Variants in BLTP1 observed in about 807,000 individuals in gnomAD.
BLTP1 encodes the protein fragile site-associated protein.
chr4:122,215,337 A>G, the BLTP1 span: 1 of 958,972 alleles, frequency 1.0e-6, no homozygotes, highest in Non-Finnish European at 1.2e-6. Flanking sequence ...ATTTACAATG[A>G]TAACAGACTA....
chr4:122,359,442 A>G, the BLTP1 span: 1 of 1,432,294 alleles, frequency 7.0e-7, no homozygotes, highest in Non-Finnish European at 9.3e-7. Context: ...AAGAAATGCA[A>G]TTAAATGAGG....
At chr4:122,167,696 C>T in the BLTP1 span, 1 of 985,312 alleles carries the variant, frequency 1.0e-6, no homozygotes, top group Non-Finnish European at 1.2e-6. Context: ...CACTACTCCA[C>T]AAGCTTGTCC....
chr4:122,334,609 C>T, the BLTP1 span: 1 of 1,496,808 alleles, frequency 6.7e-7, no homozygotes, highest in Non-Finnish European at 9.2e-7. Flanking sequence ...TACCTACTTG[C>T]TCTTTTGAGA....
At chr4:122,259,511 G>T in the BLTP1 span, among the ~76,000 whole-genome samples, 1 of 152,114 alleles carries the variant, frequency 6.6e-6, no homozygotes, top group Non-Finnish European at 1.5e-5. Flanking sequence ...AGTTATTGTT[G>T]TTGGTGGTTC....
chr4:122,205,946 G>A, the BLTP1 span: 1 of 984,848 alleles, frequency 1.0e-6, no homozygotes, highest in East Asian at 1.1e-4. Context: ...AAAACATTGT[G>A]GAGGCCAGAA....
At chr4:122,224,182 G>T in the BLTP1 span, 311 of 710,130 alleles carry the variant, frequency 4.4e-4, 5 homozygotes, top group South Asian at 0.017. Context: ...CTGGTCTCTT[G>T]TATTCCCTGT....
the BLTP1 span, chr4:122,196,468 A>G: frequency 5.9e-6 from 1 of 169,056 alleles, no homozygotes; most frequent in Non-Finnish European, 1.2e-5. Flanking sequence ...TCTATTGAGT[A>G]ATCAAGGCTC....
chr4:122,280,790 A>G, the BLTP1 span, among the ~76,000 whole-genome samples: 2 of 152,056 alleles, frequency 1.3e-5, no homozygotes, highest in South Asian at 2.1e-4. Flanking sequence ...GATTTTTCCA[A>G]TTGTTTTATC....
At chr4:122,243,746 C>T in the BLTP1 span, 24 of 1,299,844 alleles carry the variant, frequency 1.8e-5, no homozygotes, top group Non-Finnish European at 2.4e-5. Flanking sequence ...AGTCCAATTC[C>T]ATAAAATTTT....
At chr4:122,243,279 C>T in the BLTP1 span, 5 of 541,228 alleles carry the variant, frequency 9.2e-6, no homozygotes, top group African/African-American at 2.1e-5. Flanking sequence ...CTTGGCATAT[C>T]AAAATTGCTG....
the BLTP1 span, among the ~76,000 whole-genome samples, chr4:122,326,155 T>C: frequency 9.9e-5 from 15 of 151,730 alleles, no homozygotes; most frequent in East Asian, 5.8e-4. Flanking sequence ...TTCAACCAAA[T>C]CATAAAAAAA....
the BLTP1 span, chr4:122,183,645 C>A: frequency 2.7e-6 from 1 of 374,830 alleles, no homozygotes; most frequent in Non-Finnish European, 3.7e-6. Context: ...AAGTTACAAT[C>A]ACAGGAATTT....
the BLTP1 span, chr4:122,276,877 T>C: frequency 1.0e-6 from 1 of 984,282 alleles, no homozygotes; most frequent in Non-Finnish European, 1.2e-6. Context: ...AGAGCTACTG[T>C]TGGGCTTTGC....
At chr4:122,288,669 A>G in the BLTP1 span, 1 of 231,766 alleles carries the variant, frequency 4.3e-6, no homozygotes, top group Non-Finnish European at 7.0e-6. Context: ...ATAAATAAAT[A>G]AATAAATAAA....
chr4:122,254,103 T>G, the BLTP1 span: 1 of 1,185,816 alleles, frequency 8.4e-7, no homozygotes, highest in African/African-American at 1.5e-5. Context: ...CTTGATTTGA[T>G]GAAAAGGTTT....
the BLTP1 span, among the ~76,000 whole-genome samples, chr4:122,220,105 G>A: frequency 6.6e-6 from 1 of 152,300 alleles, no homozygotes; most frequent in Admixed American, 6.5e-5. Flanking sequence ...GCCAGATGAG[G>A]TGTGTGTCCG....
chr4:122,262,952 T>C, the BLTP1 span: 2 of 1,613,914 alleles, frequency 1.2e-6, no homozygotes, highest in South Asian at 2.2e-5. Context: ...GAAGCAGTGC[T>C]GCTGTGAAAA....
chr4:122,246,186 CTG>C, the BLTP1 span: 8 of 1,596,502 alleles, frequency 5.0e-6, no homozygotes, highest in Non-Finnish European at 6.8e-6. Context: ...GGAACAAAAA[CTG>C]AGCAGTCTAC....
At chr4:122,269,051 C>G in the BLTP1 span, 2 of 915,436 alleles carry the variant, frequency 2.2e-6, no homozygotes, top group East Asian at 2.4e-4. Flanking sequence ...TTGGAACCAT[C>G]AAATCCAGAC....
Sources: gnomAD v4.1 joint callset for allele counts (sites outside exome capture counted in the v4.1 genomes callset) on GRCh38, gnomAD v4.1.1 for gene constraint, MANE v1.5 for transcripts, NCBI Gene and HGNC (gene_info 2026-07-23, HGNC 2026-07-21) for gene names.